Variants in OR1J2 observed in about 807,000 individuals in gnomAD.
OR1J2 encodes the protein olfactory receptor family 1 subfamily J member 2, also known as olfactory receptor 1J2.
For missense variants in OR1J2, 304 were observed against 246.1 expected, an observed-to-expected ratio of 1.24 and a Z score of -1.57; for synonymous variants, 142 against 99.7, an observed-to-expected ratio of 1.42 and a Z score of -2.52.
chr9:122,542,598 C>G, the OR1J2 span, among the ~76,000 whole-genome samples: 2 of 152,200 alleles, frequency 1.3e-5, no homozygotes, highest in Non-Finnish European at 1.5e-5. Flanking sequence ...TAGATTTAAC[C>G]TTTAAAACTT....
the OR1J2 span, among the ~76,000 whole-genome samples, chr9:122,569,123 A>G: frequency 6.6e-6 from 1 of 152,192 alleles, no homozygotes; most frequent in African/African-American, 2.4e-5. Context: ...AACGCAGTCA[A>G]TAGAGTGATT....
chr9:122,534,483 C>T, the OR1J2 span, among the ~76,000 whole-genome samples: 1 of 152,100 alleles, frequency 6.6e-6, no homozygotes, highest in Admixed American at 6.5e-5. Flanking sequence ...GAGCATTAAC[C>T]TTGACTATGC....
the OR1J2 span, among the ~76,000 whole-genome samples, chr9:122,484,412 G>A: frequency 4.6e-5 from 7 of 151,970 alleles, no homozygotes; most frequent in Admixed American, 6.6e-5. Context: ...TGCCTGCCTC[G>A]GCCTCCCAAA....
chr9:122,492,600 A>AT, the OR1J2 span, among the ~76,000 whole-genome samples: 1 of 152,186 alleles, frequency 6.6e-6, no homozygotes. Flanking sequence ...GTCTGAACTA[A>AT]TTAACATTTC....
At chr9:122,559,169 A>G in the OR1J2 span, among the ~76,000 whole-genome samples, 6 of 152,164 alleles carry the variant, frequency 3.9e-5, no homozygotes, top group African/African-American at 1.4e-4. Flanking sequence ...TAAGTATAAC[A>G]TAGATCTGTT....
chr9:122,519,681 C>T, the OR1J2 span: 1 of 1,614,122 alleles, frequency 6.2e-7, no homozygotes, highest in Non-Finnish European at 8.5e-7. Flanking sequence ...CTTCTGTGAT[C>T]TTGTTGCCCT....
the OR1J2 span, among the ~76,000 whole-genome samples, chr9:122,564,922 C>G: frequency 2.6e-5 from 4 of 152,184 alleles, no homozygotes; most frequent in African/African-American, 9.7e-5. Context: ...AGATGCCACA[C>G]TGGTCCATTA....
upstream of OR1J2, among the ~76,000 whole-genome samples, chr9:122,506,648 A>G (rs1828526830): frequency 6.6e-6 from 1 of 152,130 alleles, no homozygotes; most frequent in South Asian, 2.1e-4. Flanking sequence ...TCAGCAATAG[A>G]TGAGTTTATA....
chr9:122,562,783 C>G, the OR1J2 span, among the ~76,000 whole-genome samples: 2 of 152,080 alleles, frequency 1.3e-5, no homozygotes, highest in African/African-American at 2.4e-5. Context: ...CCTTCTGTGC[C>G]TAGCTTATTT....
At chr9:122,536,983 C>T in the OR1J2 span, among the ~76,000 whole-genome samples, 1 of 152,100 alleles carries the variant, frequency 6.6e-6, no homozygotes, top group Non-Finnish European at 1.5e-5. Flanking sequence ...AGTTTGAAGT[C>T]AGGTAATGTG....
At chr9:122,528,103 C>A in the OR1J2 span, among the ~76,000 whole-genome samples, 10 of 152,176 alleles carry the variant, frequency 6.6e-5, no homozygotes, top group Non-Finnish European at 1.2e-4. Context: ...CTTTCTAGGA[C>A]CACATTTATA....
At chr9:122,547,353 T>C in the OR1J2 span, among the ~76,000 whole-genome samples, 1 of 152,092 alleles carries the variant, frequency 6.6e-6, no homozygotes, top group Non-Finnish European at 1.5e-5. Flanking sequence ...AACAATTTGA[T>C]TGTTTTATTT....
the OR1J2 span, among the ~76,000 whole-genome samples, chr9:122,466,538 C>T: frequency 6.6e-6 from 1 of 152,214 alleles, no homozygotes; most frequent in Admixed American, 6.5e-5. Context: ...GCCTGCACCC[C>T]TGAGGACAGT....
chr9:122,561,506 C>T, the OR1J2 span, among the ~76,000 whole-genome samples: 4 of 152,044 alleles, frequency 2.6e-5, no homozygotes, highest in African/African-American at 9.7e-5. Context: ...GGCTGCTGAC[C>T]CTTGGATGAG....
chr9:122,525,035 G>A, the OR1J2 span, among the ~76,000 whole-genome samples: 10 of 152,192 alleles, frequency 6.6e-5, no homozygotes, highest in Non-Finnish European at 1.3e-4. Flanking sequence ...CAGAATGGAA[G>A]GAGAGTTGTA....
chr9:122,537,147 C>A, the OR1J2 span, among the ~76,000 whole-genome samples: 1 of 152,212 alleles, frequency 6.6e-6, no homozygotes, highest in African/African-American at 2.4e-5. Flanking sequence ...GGGCTCACAA[C>A]ACTAAACATT....
chr9:122,580,186 C>G, the OR1J2 span, among the ~76,000 whole-genome samples: 1 of 152,088 alleles, frequency 6.6e-6, no homozygotes, highest in Non-Finnish European at 1.5e-5. Context: ...AAAAATGTTC[C>G]AAGAATATTT....
the OR1J2 span, among the ~76,000 whole-genome samples, chr9:122,535,207 TAAG>T: frequency 6.6e-6 from 1 of 151,552 alleles, no homozygotes; most frequent in Middle Eastern, 3.4e-3. Context: ...GGTGCAGAAA[TAAG>T]AGGTCGGGGC....
chr9:122,482,469 C>CA, the OR1J2 span, among the ~76,000 whole-genome samples: 2 of 151,996 alleles, frequency 1.3e-5, no homozygotes, highest in African/African-American at 2.4e-5. Context: ...GGAGATTTCT[C>CA]AAAAAATTAA....
Sources: allele counts gnomAD v4.1 joint callset (sites outside exome capture counted in the v4.1 genomes callset), GRCh38; gene constraint gnomAD v4.1.1; transcripts MANE v1.5; gene names NCBI Gene and HGNC (gene_info 2026-07-23, HGNC 2026-07-21).